ERI2: variants seen among roughly 807,000 people sequenced by gnomAD.
ERI2 encodes the protein ERI1 exoribonuclease family member 2.
In ERI2, 35 loss-of-function variants were observed where a neutral mutation model predicts 46.8. The observed-to-expected ratio is 0.75, with a 90% CI of 0.57 to 0.99. The LOEUF (loss-of-function observed/expected upper bound fraction) is 0.99. ERI2 is among the 50% of genes least tolerant of loss of function. The probability of loss-of-function intolerance (pLI) is 0.00; values close to 1 mark genes in which losing one functional copy is unlikely to be tolerated. For missense variants in ERI2, 695 were observed against 796.2 expected (o/e 0.87, Z 1.53); for synonymous variants, 224 against 271.0 (o/e 0.83, Z 1.70).
Position 20,796,411 on chromosome 16 carries a change from A to C in ERI2, c.*1313T>G. Reference sequence around the variant, plus strand: ...TCGTTCTAAATCCTGATTACAAGTCACATGATCAAGAACAACTAATAAAGG... The same window carrying C: ...TCGTTCTAAATCCTGATTACAAGTCCCATGATCAAGAACAACTAATAAAGG... On this transcript the variant is annotated 3_prime_UTR_variant, in exon 9 of 9. Transcript: ENST00000357967. 6.2e-7 allele frequency: 1 copy of C among 1,613,894 alleles called. No individual in the cohort carries two copies. The highest frequency in any genetic ancestry group is 2.2e-5 in the East Asian group (1 of 44,870).
chr16:20,794,977 TA>T (rs1322089775), downstream of ERI2, among the ~76,000 whole-genome samples: 1 of 152,246 alleles, frequency 6.6e-6, no homozygotes, highest in African/African-American at 2.4e-5. Context: ...TTGCAGTTTT[TA>T]AAATAATTTA....
chr16:20,785,205 G>C lies in ERI2; in HGVS notation c.894+4274C>G, dbSNP rs2080446273. ...TCTCCTTATGATTATTTGAGGGATA[G>C]GAGTTGAGTGGTTAGAAAATGTTTA... On this transcript the variant is annotated intron_variant, in intron 10 of 10. Coordinates refer to the ERI2 transcript ENST00000300005. 4.1e-6 allele frequency: 6 copies of C among 1,476,368 alleles called. No individual in the cohort carries two copies. The East Asian group carries it at 1.4e-4, about 34-fold the overall frequency. The allele number at this position is 1,476,368 out of a possible 1,614,324, so 91.5% of individuals were successfully genotyped here. A position where few individuals can be genotyped will look rare whatever the true frequency, so the allele number is the denominator to read the frequency against.
rs1038343855 is a variant in ERI2, at chr16:20,800,354, A to G, written c.509T>C (p.Leu170Pro). 2.5e-6 allele frequency: 4 copies of G among 1,610,668 alleles called. No homozygotes were observed. Among genetic ancestry groups the G allele is most frequent in the Admixed American group, 1.7e-5 (1 of 59,726 alleles). ...AGAATTTAAAAACACAGGTTTTAAC[A>G]GCTGCTTTCTTTTACACTCATACTC... Reference protein sequence around the residue: ...CLEYECKRKQLLKPVFLNSWI... With the variant: ...CLEYECKRKQPLKPVFLNSWI... Residue 170 changes from leucine (L) to proline (P), a missense_variant, in exon 6 of 9, where the codon CTG becomes CCG. Leu to Pro is a moderately conservative substitution (Grantham distance 98). Transcript: ENST00000357967.
At chr16:20,785,018 G>T (rs1203320886) in intron 10 of ERI2, 1 of 1,613,668 alleles carries the variant, frequency 6.2e-7, no homozygotes, top group Non-Finnish European at 8.5e-7. Flanking sequence ...CTGTGTGAGT[G>T]CTGGGGAACC....
chr16:20,791,505 G>A (rs2080596110), downstream of ERI2, among the ~76,000 whole-genome samples: 1 of 152,166 alleles, frequency 6.6e-6, no homozygotes, highest in African/African-American at 2.4e-5. Flanking sequence ...CTTTGTAACT[G>A]TAGTTTACCT....
intron 10 of ERI2, chr16:20,786,022 T>C: frequency 8.1e-7 from 1 of 1,239,912 alleles, no homozygotes; most frequent in Non-Finnish European, 1.1e-6. Flanking sequence ...GCATGATAGA[T>C]GAATAAATTT....
Position 20,801,212 on chromosome 16 carries a change from T to A in ERI2, c.451A>T (p.Thr151Ser), listed in dbSNP as rs1450931527. Residue 151 changes from threonine (T) to serine (S), a missense_variant, in exon 5 of 9, where the codon ACT (threonine) becomes TCT (serine). Coordinates refer to ENST00000357967, the MANE Select transcript of ERI2 (RefSeq NM_001142725.2). ...ATAACTTATTCTTTACCTGACCAAG[T>A]AACAAATGCACATAATTTTACTTCA... ...ASEVKLCAFVTWSDWDLGVCL... is the reference protein window; with the variant it reads ...ASEVKLCAFVSWSDWDLGVCL... 6.2e-7 allele frequency: 1 copy of A among 1,609,526 alleles called. No homozygotes were observed. The highest frequency in any genetic ancestry group is 1.3e-5 in the African/African-American group (1 of 74,744).
chr16:20,801,390 A>G, intron 4 of ERI2, 31 bp from the exon 5 acceptor site: 1 of 1,553,988 alleles, frequency 6.4e-7, no homozygotes, highest in Non-Finnish European at 8.7e-7. Flanking sequence ...GCTGAATTCA[A>G]CAATCAAATT....
intron 4 of ERI2, among the ~76,000 whole-genome samples, chr16:20,802,384 AC>A (rs751576102): frequency 3.6e-4 from 55 of 152,024 alleles, no homozygotes; most frequent in Non-Finnish European, 5.4e-4. Flanking sequence ...CTGGAATAAC[AC>A]TAATCTTATT....
At chr16:20,804,924 G>A (rs1372354392) in intron 1 of ERI2, among the ~76,000 whole-genome samples, 4 of 152,188 alleles carry the variant, frequency 2.6e-5, no homozygotes, top group Non-Finnish European at 5.9e-5. Context: ...AACAAGTGTA[G>A]TAGCTAGAAA....
intron 1 of ERI2, chr16:20,806,168 G>C: frequency 1.4e-6 from 2 of 1,394,028 alleles, no homozygotes; most frequent in Non-Finnish European, 1.9e-6. Context: ...CACAGTCAAG[G>C]CCCCAGGGTT....
At chr16:20,802,736 TATA>T in intron 4 of ERI2, 57 bp downstream of exon 4, 1 of 1,542,894 alleles carries the variant, frequency 6.5e-7, no homozygotes, top group Non-Finnish European at 8.8e-7. Flanking sequence ...TTTCAAATGG[TATA>T]ATAACTTTTA....
intron 4 of ERI2, among the ~76,000 whole-genome samples, chr16:20,802,594 T>TA (rs1567372225): frequency 6.7e-6 from 1 of 150,172 alleles, no homozygotes; most frequent in Non-Finnish European, 1.5e-5. Flanking sequence ...TTTTTTTTTT[T>TA]AGAGATGGGG....
At chr16:20,792,082 G>C (rs750402984), downstream of ERI2, 3 of 1,614,094 alleles carry the variant, frequency 1.9e-6, no homozygotes, top group East Asian at 6.7e-5. Flanking sequence ...ATAAAGATGG[G>C]TATTTCTGGT....
In ERI2 at chr16:20,796,528, G is replaced by A; in HGVS notation, c.*1196C>T. On this transcript the variant is annotated 3_prime_UTR_variant, in exon 9 of 9. Transcript: ENST00000357967. ...TTATAACGAATATTTGCTCAGTGTT[G>A]TGGACAATTTCAAGTGTTTATTTTT... 2.5e-6 allele frequency: 4 copies of A among 1,602,212 alleles called. No individual in the cohort carries two copies. Among genetic ancestry groups the A allele is most frequent in the Non-Finnish European group, 3.4e-6 (4 of 1,177,614 alleles).
Position 20,797,980 on chromosome 16 carries a change from A to ACC in ERI2, c.1819_1820insGG (p.Val607GlyfsTer70). Reference sequence around the variant, plus strand: ...ATGGTTCGGTCCATTATTAGAAACAACAAGTCTCTTAGATCTCCGACCACA... The same window carrying ACC: ...ATGGTTCGGTCCATTATTAGAAACAACCCAAGTCTCTTAGATCTCCGACCACA... On this transcript the variant is annotated frameshift_variant, in exon 9 of 9. Transcript: ENST00000357967. LOFTEE classifies it high-confidence loss of function. 6.4e-7 allele frequency: 1 copy of ACC among 1,551,982 alleles called. No individual in the cohort carries two copies. The highest frequency in any genetic ancestry group is 1.4e-5 in the African/African-American group (1 of 73,176).
exon 11 of ERI2, chr16:20,780,538 A>G: frequency 7.5e-7 from 1 of 1,329,150 alleles, no homozygotes; most frequent in Non-Finnish European, 1.0e-6. Context: ...TTGATTCTAG[A>G]AAGCACCTAA....
chr16:20,796,698 AG>A lies in ERI2; in HGVS notation c.*1025del. 6.8e-7 allele frequency: 1 copy of A among 1,480,832 alleles called. No homozygotes were observed. The highest frequency in any genetic ancestry group is 8.9e-7 in the Non-Finnish European group (1 of 1,123,202). 91.7% of individuals were successfully genotyped at this position (1,480,832 alleles called of 1,614,324 possible). On this transcript the variant is annotated 3_prime_UTR_variant, in exon 9 of 9. Coordinates refer to ENST00000357967, the MANE Select transcript of ERI2 (RefSeq NM_001142725.2). ...TGGTCCTTTGGCTTACTGGACTCAC[AG>A]TAAATACTTAATATCAAGACAACTT...
At chr16:20,792,575 C>T (rs1251745797), downstream of ERI2, 3 of 985,276 alleles carry the variant, frequency 3.0e-6, no homozygotes, top group African/African-American at 5.2e-5. Context: ...AATTTGAATT[C>T]CTTCCGTGGT....
Sources: allele counts gnomAD v4.1 joint callset (sites outside exome capture counted in the v4.1 genomes callset), GRCh38; gene constraint gnomAD v4.1.1; transcripts MANE v1.5; gene names NCBI Gene and HGNC (gene_info 2026-07-23, HGNC 2026-07-21).